PHF2: variants seen among roughly 807,000 people sequenced by gnomAD.
PHF2 encodes PHD finger protein 2, also known as lysine-specific demethylase PHF2.
Under a neutral mutation model 120.5 loss-of-function variants are expected in PHF2, and 27 were observed. The ratio of observed to expected loss-of-function variants is 0.22; its 90% CI spans 0.17 to 0.31. PHF2 has a LOEUF of 0.31. PHF2 is among the 10% of genes least tolerant of loss of function. The probability of loss-of-function intolerance (pLI) is 1.00; values close to 1 mark genes in which losing one functional copy is unlikely to be tolerated. For missense variants in PHF2, 1,024 were observed against 1,434.8 expected (o/e 0.71, Z 4.63); for synonymous variants, 568 against 592.5 (o/e 0.96, Z 0.60).
intron 5 of PHF2, among the ~76,000 whole-genome samples, 178 bp from the exon 6 acceptor site, chr9:93,653,001 C>T (rs1045212875): frequency 6.6e-6 from 1 of 152,214 alleles, no homozygotes; most frequent in Admixed American, 6.5e-5. Context: ...CAGCCAGCGC[C>T]TGGGCTCATT....
chr9:93,663,430 A>T lies in PHF2; in HGVS notation c.1819-87A>T, dbSNP rs960705066. On this transcript the variant is annotated intron_variant, in intron 13 of 21. Transcript: ENST00000359246. ...GACTTTCCTTAGTCGTGTTCCCAGT[A>T]GCTGCCTCTTCTCACTGACACTAAT... 1.6e-5 allele frequency: 13 copies of T among 821,508 alleles called. No homozygotes were observed. In the African/African-American group the frequency reaches 1.9e-4, roughly 12 times the overall value. The allele number at this position is 821,508 out of a possible 1,614,324, so 50.9% of individuals were successfully genotyped here. A position where few individuals can be genotyped will look rare whatever the true frequency, so the allele number is the denominator to read the frequency against.
At chr9:93,587,462 G>GGATGGAGGAACCCCGGGTGAGGGAT (rs1863070681) in intron 1 of PHF2, among the ~76,000 whole-genome samples, 7 of 147,850 alleles carry the variant, frequency 4.7e-5, no homozygotes, top group Non-Finnish European at 1.0e-4. Context: ...CCTGGATGAG[G>GGATGGAGGAACCCCGGGTGAGGGAT]GATGGAGGAG....
At chr9:93,634,984 G>T (rs960050343) in intron 2 of PHF2, among the ~76,000 whole-genome samples, 1 of 152,214 alleles carries the variant, frequency 6.6e-6, no homozygotes, top group Non-Finnish European at 1.5e-5. Context: ...CTCTAGTAAA[G>T]ACGAGGCACA....
intron 1 of PHF2, among the ~76,000 whole-genome samples, chr9:93,591,379 G>A (rs1825218721): frequency 6.6e-6 from 1 of 152,176 alleles, no homozygotes; most frequent in Admixed American, 6.5e-5. Flanking sequence ...GAACAGTTTG[G>A]GATTGGGCTA....
Position 93,664,552 on chromosome 9 carries a change from G to A in PHF2, c.1937+917G>A, listed in dbSNP as rs116607279. Among the ~76,000 whole-genome samples, 511 of 152,348 alleles carry A rather than the reference G, an allele frequency of 3.4e-3. 4 individuals are homozygous for A. Among genetic ancestry groups the A allele is most frequent in the African/African-American group, 0.011 (477 of 41,582 alleles). On this transcript the variant is annotated intron_variant, in intron 14 of 21. Coordinates refer to ENST00000359246, the MANE Select transcript of PHF2 (RefSeq NM_005392.4). ...TAGTTTCCTCATTGAAGAGATGAGA[G>A]GAGAAGGCCTCTTTCTGGGTGGTGG...
intron 1 of PHF2, among the ~76,000 whole-genome samples, chr9:93,628,271 C>T (rs1051192541): frequency 1.3e-4 from 20 of 152,110 alleles, no homozygotes; most frequent in Admixed American, 1.3e-3. Context: ...AATGTTCCCC[C>T]CTCTTCTATT....
chr9:93,604,679 T>G (rs1173508097), intron 1 of PHF2, among the ~76,000 whole-genome samples: 1 of 152,138 alleles, frequency 6.6e-6, no homozygotes, highest in African/African-American at 2.4e-5. Context: ...TTAGCCAGGA[T>G]GGCCTCGATC....
intron 1 of PHF2, among the ~76,000 whole-genome samples, chr9:93,623,632 A>T (rs570655509): frequency 1.3e-5 from 2 of 151,946 alleles, no homozygotes; most frequent in Non-Finnish European, 2.9e-5. Flanking sequence ...TTCCTTTCCA[A>T]TTTTTCTTTG....
Position 93,636,505 on chromosome 9 carries a change from G to A in PHF2, c.279G>A (p.Leu93=), listed in dbSNP as rs753481855. Residue 93 remains leucine, a synonymous_variant, in exon 3 of 22, where the codon CTG becomes CTA. Coordinates refer to ENST00000359246, the MANE Select transcript of PHF2 (RefSeq NM_005392.4). The stretch of plus-strand genomic sequence containing the variant: ...GCAGCCAGCTCTTCATCAAGGAGCT[G>A]CGGAGCCGGACCTTTCCCAGGTGGG... ...QNGSQLFIKE[L]RSRTFPSAED... 4.4e-6 allele frequency: 7 copies of A among 1,596,304 alleles called. No individual in the cohort carries two copies. In the South Asian group the frequency reaches 6.8e-5, roughly 16 times the overall value.
intron 2 of PHF2, among the ~76,000 whole-genome samples, chr9:93,635,022 A>G (rs999960535): frequency 2.0e-5 from 3 of 152,190 alleles, no homozygotes; most frequent in Non-Finnish European, 4.4e-5. Context: ...GCCCAAGGTC[A>G]CACAGCTGGA....
chr9:93,661,720 G>GGGATGGATGGATGAGT (rs145246481), intron 12 of PHF2, among the ~76,000 whole-genome samples: 10,379 of 151,032 alleles, frequency 0.069, 809 homozygotes, highest in African/African-American at 0.19. Context: ...GAATAATGAA[G>GGGATGGATGGATGAGT]GGATGGATGG....
intron 14 of PHF2, among the ~76,000 whole-genome samples, chr9:93,665,302 G>A (rs186714463): frequency 1.7e-4 from 26 of 152,334 alleles, no homozygotes; most frequent in Admixed American, 4.6e-4. Context: ...AGTGGCCCTG[G>A]GACAGTTGGG....
At chr9:93,613,250 G>A (rs781644828) in intron 1 of PHF2, among the ~76,000 whole-genome samples, 23 of 152,186 alleles carry the variant, frequency 1.5e-4, no homozygotes, top group Non-Finnish European at 1.0e-4. Flanking sequence ...CCTGAGAAGC[G>A]GGTTCAAGGC....
chr9:93,618,354 C>T (rs1218211647), intron 1 of PHF2, among the ~76,000 whole-genome samples: 2 of 152,252 alleles, frequency 1.3e-5, no homozygotes, highest in South Asian at 2.1e-4. Flanking sequence ...CGTGGGCAGA[C>T]GCATAGACAG....
At chr9:93,587,212 C>T (rs1356538302) in intron 1 of PHF2, among the ~76,000 whole-genome samples, 2 of 146,420 alleles carry the variant, frequency 1.4e-5, no homozygotes, top group Admixed American at 6.8e-5. Context: ...CAGAGGAGCC[C>T]CGGGTGAGGG....
chr9:93,656,374 G>C lies in PHF2; in HGVS notation c.1041-115G>C, dbSNP rs1274890295. 1 of 759,744 alleles carries C rather than the reference G, an allele frequency of 1.3e-6. No individual in the cohort carries two copies. Among genetic ancestry groups the C allele is most frequent in the Non-Finnish European group, 2.3e-6 (1 of 444,272 alleles). 47.1% of individuals were successfully genotyped at this position (759,744 alleles called of 1,614,324 possible). ...GGCAGTTTTCCCCTGGTCCTCCTCA[G>C]CTATGCAGGGCCCAGTGGGGAGGCC... On this transcript the variant is annotated intron_variant, in intron 8 of 21. Coordinates refer to ENST00000359246, the MANE Select transcript of PHF2 (RefSeq NM_005392.4). This position sits in a 1 kb window ranked among gnomAD's most constrained non-coding sequence, Gnocchi z 4.1.
At position 93,654,559 on chromosome 9, in the gene PHF2, C is replaced by T; in HGVS notation, c.936C>T (p.Thr312=). Residue 312 remains threonine, a synonymous_variant, in exon 7 of 22, where the codon ACC becomes ACT. Transcript: ENST00000359246. ...CYKCIVKQGQ[T]LFIPSGWIYA... ...AGTGCATCGTCAAGCAGGGCCAGACCCTCTTCATCCCCTCAGGTGAGTGCG... is the reference window on the plus strand; with the variant it reads ...AGTGCATCGTCAAGCAGGGCCAGACTCTCTTCATCCCCTCAGGTGAGTGCG... 6.2e-7 allele frequency: 1 copy of T among 1,613,756 alleles called. No individual in the cohort carries two copies. Among genetic ancestry groups the T allele is most frequent in the East Asian group, 2.2e-5 (1 of 44,878 alleles).
intron 1 of PHF2, among the ~76,000 whole-genome samples, chr9:93,590,806 C>T (rs1007717709): frequency 6.6e-6 from 1 of 152,256 alleles, no homozygotes; most frequent in Non-Finnish European, 1.5e-5. Context: ...CTGGTCCTCA[C>T]GTCTCCTCAG....
Position 93,665,827 on chromosome 9 carries a change from C to A in PHF2, c.2079C>A (p.Ile693=). ...DGELKIDEFP[I]RRKKNAPKRD... The stretch of plus-strand genomic sequence containing the variant: ...AGCTCAAGATCGACGAGTTTCCCAT[C>A]AGGAGGAAGAAAAACGCCCCGAAAA... Residue 693 remains isoleucine, a synonymous_variant, in exon 15 of 22, where the codon ATC becomes ATA. Transcript: ENST00000359246. 6.2e-7 allele frequency: 1 copy of A among 1,613,758 alleles called. No homozygotes were observed. Among genetic ancestry groups the A allele is most frequent in the Non-Finnish European group, 8.5e-7 (1 of 1,180,006 alleles).
Sources: gnomAD v4.1 joint callset for allele counts (sites outside exome capture counted in the v4.1 genomes callset) on GRCh38, gnomAD v4.1.1 for gene constraint, Gnocchi (gnomAD v3.1) non-coding constraint, MANE v1.5 for transcripts, NCBI Gene and HGNC (gene_info 2026-07-23, HGNC 2026-07-21) for gene names.